MAPK14: variants seen among roughly 807,000 people sequenced by gnomAD.
MAPK14 encodes the protein CSAID-binding protein.
Under a neutral mutation model 49.6 loss-of-function variants are expected in MAPK14, and 16 were observed. That is an observed-to-expected ratio of 0.32 (90% CI 0.22 to 0.49). The LOEUF is 0.49. MAPK14 is among the 20% of genes least tolerant of loss of function. The pLI is 0.99. For synonymous variants in MAPK14, 142 were observed against 158.0 expected (o/e 0.90, Z 0.76); for missense variants, 200 against 441.2 (o/e 0.45, Z 4.90).
intron 8 of MAPK14, among the ~76,000 whole-genome samples, chr6:36,085,053 T>G (rs966024632): frequency 1.3e-5 from 2 of 152,216 alleles, no homozygotes; most frequent in Admixed American, 6.5e-5. Flanking sequence ...ACCCAAAGTT[T>G]CATATCTGGC....
At chr6:36,080,784 G>C (rs1359103041) in intron 8 of MAPK14, among the ~76,000 whole-genome samples, 1 of 151,646 alleles carries the variant, frequency 6.6e-6, no homozygotes, top group Non-Finnish European at 1.5e-5. Context: ...CTTTTCCATA[G>C]TGTCTGCACC....
chr6:36,075,639 T>C (rs1441788556), intron 6 of MAPK14, among the ~76,000 whole-genome samples: 1 of 152,220 alleles, frequency 6.6e-6, no homozygotes, highest in Non-Finnish European at 1.5e-5. Context: ...GTGACATTTT[T>C]GTTTTGCTTT....
At chr6:36,076,026 C>T (rs1764518946) in intron 7 of MAPK14, 64 bp downstream of exon 7, 2 of 1,531,110 alleles carry the variant, frequency 1.3e-6, no homozygotes, top group Admixed American at 3.6e-5. Context: ...TTGGGATTCT[C>T]AGAAATAGAG....
downstream of MAPK14, among the ~76,000 whole-genome samples, chr6:36,111,932 C>T (rs980688207): frequency 2.0e-5 from 3 of 152,138 alleles, no homozygotes; most frequent in African/African-American, 7.2e-5. Context: ...GTTGGCCGGG[C>T]GTGGTGGCTC....
chr6:36,062,896 G>A (rs1357134920), intron 3 of MAPK14, among the ~76,000 whole-genome samples: 1 of 152,060 alleles, frequency 6.6e-6, no homozygotes, highest in Non-Finnish European at 1.5e-5. Flanking sequence ...GACCTCAAGT[G>A]ATCCACCCAC....
chr6:36,120,260 G>C, the MAPK14 span, among the ~76,000 whole-genome samples: 1 of 152,180 alleles, frequency 6.6e-6, no homozygotes, highest in African/African-American at 2.4e-5. Context: ...ATATGTTTTT[G>C]TCACCGTTTT....
At chr6:36,097,524 G>A (rs1562149644) in intron 9 of MAPK14, 1 of 152,062 alleles carries the variant, frequency 6.6e-6, no homozygotes, top group East Asian at 1.9e-4. Context: ...TACAGTAAGA[G>A]GACCTAAGGG....
At chr6:36,055,686 C>T (rs1026261190) in intron 2 of MAPK14, among the ~76,000 whole-genome samples, 1 of 151,478 alleles carries the variant, frequency 6.6e-6, no homozygotes, top group African/African-American at 2.4e-5. Context: ...AATCCTAGCA[C>T]TTTGGGAGGC....
intron 3 of MAPK14, among the ~76,000 whole-genome samples, chr6:36,064,998 A>G (rs1763988533): frequency 6.6e-6 from 1 of 152,140 alleles, no homozygotes; most frequent in Admixed American, 6.5e-5. Flanking sequence ...TTGCAATAAG[A>G]CCTTTGCACC....
At chr6:36,075,284 C>T (rs1764484485) in intron 6 of MAPK14, among the ~76,000 whole-genome samples, 2 of 151,804 alleles carry the variant, frequency 1.3e-5, no homozygotes, top group South Asian at 2.1e-4. Flanking sequence ...ATCCCTACCC[C>T]TCCACCCCTA....
chr6:36,117,770 A>G, the MAPK14 span, among the ~76,000 whole-genome samples: 1,488 of 152,308 alleles, frequency 9.8e-3, 23 homozygotes, highest in African/African-American at 0.034. Context: ...TTAAGGCTGC[A>G]TGTCATCGAA....
chr6:36,100,943 T>G (rs925621642), intron 9 of MAPK14, among the ~76,000 whole-genome samples: 1 of 152,214 alleles, frequency 6.6e-6, no homozygotes, highest in Admixed American at 6.5e-5. Context: ...TCTTTTGATT[T>G]ATCTTTATTA....
intron 2 of MAPK14, among the ~76,000 whole-genome samples, chr6:36,058,284 CA>C (rs1763663716): frequency 6.6e-6 from 1 of 152,090 alleles, no homozygotes; most frequent in South Asian, 2.1e-4. Flanking sequence ...TCGTGGAATA[CA>C]TTTTTAAAAA....
At position 36,028,085 on chromosome 6, in the gene MAPK14, G is replaced by C; in HGVS notation, c.-73G>C. 9.7e-7 allele frequency: 1 copy of C among 1,027,796 alleles called. No homozygotes were observed. Among genetic ancestry groups the C allele is most frequent in the Non-Finnish European group, 1.5e-6 (1 of 670,648 alleles). 63.7% of individuals were successfully genotyped at this position (1,027,796 alleles called of 1,614,324 possible). ...CCGCCCGGCTGGGCGGGCAGCAAGG[G>C]CCGGGGAGAGGGTGCGGGTGCAGGC... On this transcript the variant is annotated 5_prime_UTR_variant, in exon 1 of 12. Transcript: ENST00000229794. The surrounding 1 kb of genome is among the most constrained non-coding windows in gnomAD (Gnocchi z 5.1).
In MAPK14 at chr6:36,028,528, G is replaced by T. The variant is rs1167654101; in HGVS notation, c.116+255G>T. 6.6e-6 allele frequency among the ~76,000 whole-genome samples: 1 copy of T among 152,226 alleles called. No homozygotes were observed. Among genetic ancestry groups the T allele is most frequent in the Non-Finnish European group, 1.5e-5 (1 of 68,044 alleles). ...GGTGGTGGTGCTGGAGCTCGGTTCT[G>T]GCTAGCACCCTGCGCCTTCCCCTCT... On this transcript the variant is annotated intron_variant, in intron 1 of 11. Coordinates refer to ENST00000229794, the MANE Select transcript of MAPK14 (RefSeq NM_139012.3). The surrounding 1 kb of genome is among the most constrained non-coding windows in gnomAD (Gnocchi z 5.1).
At position 36,107,539 on chromosome 6, in the gene MAPK14, C is replaced by T. The variant is rs1765835998; in HGVS notation, c.926C>T (p.Ala309Val). 1.2e-6 allele frequency: 2 copies of T among 1,606,604 alleles called. 1 individual carries two copies. Among genetic ancestry groups the T allele is most frequent in the South Asian group, 2.3e-5 (2 of 88,762 alleles). Residue 309 changes from alanine (A) to valine (V), a missense_variant, in exon 11 of 12, where the codon GCT becomes GTT. Physicochemically the swap from Ala to Val is moderately conservative, Grantham distance 64 (BLOSUM62 0). This residue lies in a region of MAPK14 where 170 missense variants were observed against 407.0 expected (regional missense o/e 0.42). Coordinates refer to ENST00000229794, the MANE Select transcript of MAPK14 (RefSeq NM_139012.3). The surrounding 1 kb of genome is among the most constrained non-coding windows in gnomAD (Gnocchi z 4.3). ...AAQALAHAYF[A>V]QYHDPDDEPV... Reference sequence around the variant, plus strand: ...CAAGCCCTTGCACATGCCTACTTTGCTCAGTACCACGATCCTGATGATGAA... The same window carrying T: ...CAAGCCCTTGCACATGCCTACTTTGTTCAGTACCACGATCCTGATGATGAA...
At chr6:36,081,653 A>G (rs576689849) in intron 8 of MAPK14, among the ~76,000 whole-genome samples, 1 of 152,294 alleles carries the variant, frequency 6.6e-6, no homozygotes, top group South Asian at 2.1e-4. Context: ...CTTTATAGTA[A>G]GCTTTGAAAT....
intron 1 of MAPK14, chr6:36,029,287 A>T (rs1209964053): frequency 6.6e-6 from 1 of 152,164 alleles, no homozygotes; most frequent in East Asian, 1.9e-4. Flanking sequence ...TTTCGTAAGG[A>T]TATGGAACCA....
chr6:36,076,108 C>T, intron 7 of MAPK14, 146 bp downstream of exon 7: 1 of 830,600 alleles, frequency 1.2e-6, no homozygotes, highest in South Asian at 1.8e-5. Context: ...AAAAATATTT[C>T]ACTTCCTCAG....
Sources: allele counts gnomAD v4.1 joint callset (sites outside exome capture counted in the v4.1 genomes callset), GRCh38; gene constraint gnomAD v4.1.1; regional missense constraint gnomAD v4.1.1; non-coding constraint Gnocchi (gnomAD v3.1); transcripts MANE v1.5; gene names NCBI Gene and HGNC (gene_info 2026-07-23, HGNC 2026-07-21).